The following TRIM16 variants were observed in gnomAD, a reference collection of about 807,000 sequenced individuals.
TRIM16 encodes the protein tripartite motif containing 16.
Under a neutral mutation model 50.4 loss-of-function variants are expected in TRIM16, and 33 were observed. That is an observed-to-expected ratio of 0.65 (90% CI 0.50 to 0.88). TRIM16 has a LOEUF of 0.88. Among genes scored for constraint, TRIM16 ranks in the 40% least tolerant of loss-of-function variants. The pLI is 0.00. For synonymous variants in TRIM16, 229 were observed against 270.7 expected, an observed-to-expected ratio of 0.85 and a Z score of 1.51; for missense variants, 581 against 686.8, an observed-to-expected ratio of 0.85 and a Z score of 1.72.
intron 7 of TRIM16, among the ~76,000 whole-genome samples, chr17:15,644,454 T>C (rs1043382234): frequency 6.6e-6 from 1 of 152,194 alleles, no homozygotes; most frequent in Non-Finnish European, 1.5e-5. Flanking sequence ...CCTCCCAAAA[T>C]GCTGGGATTA....
At position 15,628,547 on chromosome 17, in the gene TRIM16, C is replaced by T; in HGVS notation, c.*68G>A. On this transcript the variant is annotated 3_prime_UTR_variant, in exon 12 of 12. Transcript: ENST00000649191. ...CTACCATCAGCAGTTATTTCTGCCC[C>T]CAAATCACCCTAAAATGCAAATCCC... 6.7e-7 allele frequency: 1 copy of T among 1,482,408 alleles called. No homozygotes were observed. The highest frequency in any genetic ancestry group is 9.0e-7 in the Non-Finnish European group (1 of 1,112,918). The allele number at this position is 1,482,408 out of a possible 1,614,324, so 91.8% of individuals were successfully genotyped here. A position where few individuals can be genotyped will look rare whatever the true frequency, so the allele number is the denominator to read the frequency against.
At position 15,628,895 on chromosome 17, in the gene TRIM16, T is replaced by G; in HGVS notation, c.1415A>C (p.Asn472Thr). Residue 472 changes from asparagine (N) to threonine (T), a missense_variant, in exon 12 of 12, where the codon AAC (asparagine) becomes ACC (threonine). Transcript: ENST00000649191. Reference protein sequence around the residue: ...GNNFSWSLQWNGKEFTAWYSD... With the variant: ...GNNFSWSLQWTGKEFTAWYSD... ...GTACCAGGCCGTGAACTCCTTCCCG[T>G]TCCATTGGAGGCTCCAGGAGAAGTT... 1.2e-6 allele frequency: 2 copies of G among 1,614,246 alleles called. No individual in the cohort carries two copies. The highest frequency in any genetic ancestry group is 1.7e-6 in the Non-Finnish European group (2 of 1,180,050).
At chr17:15,664,198 C>T (rs1025275007) in intron 6 of TRIM16, among the ~76,000 whole-genome samples, 3 of 152,112 alleles carry the variant, frequency 2.0e-5, no homozygotes, top group South Asian at 2.1e-4. Flanking sequence ...ACAGATGATC[C>T]CATCTTCTCT....
intron 7 of TRIM16, among the ~76,000 whole-genome samples, chr17:15,649,349 C>T (rs1209907138): frequency 2.6e-5 from 4 of 152,066 alleles, no homozygotes; most frequent in African/African-American, 9.7e-5. Flanking sequence ...TGAAGTGGCA[C>T]GATCTCGGCT....
intron 6 of TRIM16, among the ~76,000 whole-genome samples, chr17:15,655,045 G>C (rs528044371): frequency 6.6e-6 from 1 of 152,140 alleles, no homozygotes; most frequent in East Asian, 1.9e-4. Flanking sequence ...AGCCATACAG[G>C]CTTCTGTCAG....
chr17:15,677,584 C>G lies in TRIM16; in HGVS notation c.-452G>C. 1 of 1,052,694 alleles carries G rather than the reference C, an allele frequency of 9.5e-7. No homozygotes were observed. Among genetic ancestry groups the G allele is most frequent in the Non-Finnish European group, 1.2e-6 (1 of 862,896 alleles). 65.2% of individuals were successfully genotyped at this position (1,052,694 alleles called of 1,614,324 possible). On this transcript the variant is annotated 5_prime_UTR_variant, in exon 5 of 12. Transcript: ENST00000649191. ...AAGGACCCAAGCTCACCCAAGGAGA[C>G]CAGGTTCCTATAGTTCTCCAGCATT... is the stretch of plus-strand genomic sequence containing the variant.
rs1010562577 is a variant in TRIM16 at position 15,641,659 on chromosome 17, G to T, written c.615+1062C>A. Among the ~76,000 whole-genome samples, 18 of 148,604 alleles carry T rather than the reference G, an allele frequency of 1.2e-4. 3 individuals carry two copies. Among genetic ancestry groups the T allele is most frequent in the African/African-American group, 4.5e-4 (18 of 40,018 alleles). On this transcript the variant is annotated intron_variant, in intron 8 of 11. Coordinates refer to ENST00000649191, the MANE Select transcript of TRIM16 (RefSeq NM_001348119.1). ...TTCTTCCTTTAATAAGATATTGTGG[G>T]TAAGAAAGAGGTGTTTCATCCTTCA...
rs192433614 is a variant in TRIM16 at position 15,652,042 on chromosome 17, A to G, written c.-337-96T>C. On this transcript the variant is annotated intron_variant, in intron 6 of 11. Transcript: ENST00000649191. ...TTTTTTTTTGTTTTCATTTTTAAAG[A>G]GAAGTAAAATGTAAGGACTTCAACA... 2.0e-4 allele frequency: 203 copies of G among 991,712 alleles called. No homozygotes were observed. The African/African-American group carries it at 3.4e-3, about 17-fold the overall frequency. The allele number at this position is 991,712 out of a possible 1,614,324, so 61.4% of individuals were successfully genotyped here.
At chr17:15,679,774 A>G (rs1158539252) in intron 4 of TRIM16, among the ~76,000 whole-genome samples, 1 of 152,062 alleles carries the variant, frequency 6.6e-6, no homozygotes, top group Non-Finnish European at 1.5e-5. Context: ...TGTCTCTACT[A>G]AAAATACAAA....
rs550555931 is a variant in TRIM16 at position 15,649,659 on chromosome 17, G to C, written c.519+1432C>G. On this transcript the variant is annotated intron_variant, in intron 7 of 11. Transcript: ENST00000649191. Reference sequence around the variant, plus strand: ...AATAATAAAATTCTTGTATATGTGTGGCAGGTTTTGGTGCAAAAAAAGAGG... The same window carrying C: ...AATAATAAAATTCTTGTATATGTGTCGCAGGTTTTGGTGCAAAAAAAGAGG... Among the ~76,000 whole-genome samples, 13 of 152,196 alleles carry C rather than the reference G, an allele frequency of 8.5e-5. No individual in the cohort carries two copies. In the East Asian group the frequency reaches 1.5e-3, roughly 18 times the overall value.
chr17:15,659,320 T>C (rs1597648034), intron 6 of TRIM16, among the ~76,000 whole-genome samples: 1 of 152,196 alleles, frequency 6.6e-6, no homozygotes, highest in Non-Finnish European at 1.5e-5. Flanking sequence ...GTGGCTGTGG[T>C]GCACGGGCAC....
At chr17:15,643,769 A>G (rs939698180) in intron 7 of TRIM16, among the ~76,000 whole-genome samples, 30 of 152,232 alleles carry the variant, frequency 2.0e-4, no homozygotes, top group Middle Eastern at 3.2e-3. Context: ...AAGTTCATCA[A>G]TGGAGTTGAG....
intron 8 of TRIM16, among the ~76,000 whole-genome samples, chr17:15,637,331 G>A (rs1336861309): frequency 1.4e-4 from 15 of 110,344 alleles, no homozygotes; most frequent in South Asian, 6.5e-4. Context: ...CAGCCACCCC[G>A]TCCGGGAGGG....
At chr17:15,636,344 C>A in intron 8 of TRIM16, 75 bp from the exon 9 acceptor site, 4 of 1,504,964 alleles carry the variant, frequency 2.7e-6, no homozygotes, top group Non-Finnish European at 3.7e-6. Context: ...ACTCAACATA[C>A]AGAAATGTCA....
At chr17:15,664,390 G>T (rs911280102) in intron 6 of TRIM16, among the ~76,000 whole-genome samples, 1 of 152,206 alleles carries the variant, frequency 6.6e-6, no homozygotes, top group Admixed American at 6.5e-5. Context: ...GTAAATATGA[G>T]AGCTGGAGGA....
chr17:15,653,652 C>T (rs1159110579), intron 6 of TRIM16, among the ~76,000 whole-genome samples: 1 of 152,158 alleles, frequency 6.6e-6, no homozygotes. Context: ...CCCTCAATTA[C>T]CTGTTTAAAG....
At chr17:15,674,688 C>T (rs1988854960) in intron 6 of TRIM16, among the ~76,000 whole-genome samples, 1 of 152,186 alleles carries the variant, frequency 6.6e-6, no homozygotes, top group Non-Finnish European at 1.5e-5. Flanking sequence ...TCTGTTCTTG[C>T]CATTTTGGAC....
chr17:15,638,991 C>G (rs1986987466), intron 8 of TRIM16, among the ~76,000 whole-genome samples: 1 of 147,836 alleles, frequency 6.8e-6, no homozygotes, highest in East Asian at 2.0e-4. Flanking sequence ...AGGGGTATCC[C>G]TACTGGAGGG....
rs1027461714 is a variant in TRIM16 at position 15,638,152 on chromosome 17, T to C, written c.616-1883A>G. Among the ~76,000 whole-genome samples the C allele has an allele frequency of 3.1e-4, 39 of 127,502 alleles. 1 individual carries two copies. Among genetic ancestry groups the C allele is most frequent in the African/African-American group, 1.1e-3 (36 of 32,086 alleles). The allele number at this position is 127,502 out of a possible 152,430, so 83.6% of individuals were successfully genotyped here. On this transcript the variant is annotated intron_variant, in intron 8 of 11. Coordinates refer to ENST00000649191, the MANE Select transcript of TRIM16 (RefSeq NM_001348119.1). ...CTCTGCCTAGGAAAACCAGAGACCT[T>C]TGTTCACTTGTTTATCTGCTGACCT... is the stretch of plus-strand genomic sequence containing the variant.
Sources: allele counts gnomAD v4.1 joint callset (sites outside exome capture counted in the v4.1 genomes callset), GRCh38; gene constraint gnomAD v4.1.1; transcripts MANE v1.5; gene names NCBI Gene and HGNC (gene_info 2026-07-23, HGNC 2026-07-21).